Variants in GALNTL6 observed in about 807,000 individuals in gnomAD.
The protein encoded by GALNTL6 is polypeptide N-acetylgalactosaminyltransferase like 6, also known as polypeptide N-acetylgalactosaminyltransferase-like 6.
GALNTL6 carries 46 observed loss-of-function variants against 73.7 expected under a neutral mutation model. That is an observed-to-expected ratio of 0.62 (90% confidence interval 0.49 to 0.80). GALNTL6 has a LOEUF of 0.80. GALNTL6 is among the 30% of genes least tolerant of loss of function. GALNTL6 has a pLI of 0.00. For synonymous variants in GALNTL6, 259 were observed against 263.7 expected (o/e 0.98, Z 0.17); for missense variants, 604 against 755.0 (o/e 0.80, Z 2.34).
chr4:172,110,462 G>T (rs1484909806), intron 2 of GALNTL6, among the ~76,000 whole-genome samples: 1 of 152,118 alleles, frequency 6.6e-6, no homozygotes, highest in African/African-American at 2.4e-5. Flanking sequence ...ACAATATTTA[G>T]TTAGTCAGTA....
intron 2 of GALNTL6, among the ~76,000 whole-genome samples, chr4:171,985,029 T>G (rs539262833): frequency 2.3e-4 from 35 of 152,086 alleles, no homozygotes; most frequent in African/African-American, 8.2e-4. Flanking sequence ...CCAACTTCCT[T>G]GCCTTTAGGT....
At chr4:172,377,883 G>A (rs796834387) in intron 5 of GALNTL6, among the ~76,000 whole-genome samples, 10 of 151,786 alleles carry the variant, frequency 6.6e-5, no homozygotes, top group East Asian at 1.9e-4. Flanking sequence ...GCCCGCGAGC[G>A]CTGCACGCAG....
At chr4:172,140,161 C>T (rs541386908) in intron 2 of GALNTL6, among the ~76,000 whole-genome samples, 24 of 152,106 alleles carry the variant, frequency 1.6e-4, no homozygotes, top group African/African-American at 5.1e-4. Context: ...TCAGAAAATT[C>T]GTTACATTTC....
chr4:172,514,667 T>C (rs423496), intron 5 of GALNTL6, among the ~76,000 whole-genome samples: 152,135 of 152,296 alleles, frequency 1, 75,987 homozygotes, highest in Non-Finnish European at 1. Context: ...GTTTCCTTCT[T>C]CCTGTAGTCT....
intron 2 of GALNTL6, among the ~76,000 whole-genome samples, chr4:171,970,931 T>C (rs898966011): frequency 6.6e-6 from 1 of 152,212 alleles, no homozygotes; most frequent in Non-Finnish European, 1.5e-5. Flanking sequence ...GTTAATTCAA[T>C]TGATAAAAGA....
Position 172,171,141 on chromosome 4 carries a change from C to T in GALNTL6, c.139-58515C>T, listed in dbSNP as rs116627876. ...ACTCATAGCCAAAGCATGCTGTTGCCGTAAAGATCAAAGTCAGTGTTTGGA... is the reference window on the plus strand; with the variant it reads ...ACTCATAGCCAAAGCATGCTGTTGCTGTAAAGATCAAAGTCAGTGTTTGGA... On this transcript the variant is annotated intron_variant, in intron 2 of 12. Transcript: ENST00000506823. Among the ~76,000 whole-genome samples the T allele has an allele frequency of 9.9e-3, 1,507 of 152,196 alleles. 30 individuals carry two copies. The highest frequency in any genetic ancestry group is 0.035 in the African/African-American group (1,439 of 41,526).
chr4:172,274,641 G>T (rs753259197), intron 3 of GALNTL6, among the ~76,000 whole-genome samples: 1 of 152,136 alleles, frequency 6.6e-6, no homozygotes. Context: ...ATATGTGGCC[G>T]AGATGGCCTT....
intron 4 of GALNTL6, among the ~76,000 whole-genome samples, chr4:172,343,952 C>T (rs1284690639): frequency 1.3e-5 from 2 of 152,110 alleles, no homozygotes; most frequent in African/African-American, 2.4e-5. Flanking sequence ...GTCCTTACCT[C>T]TGAGCCATTC....
chr4:172,709,558 G>T (rs145061457), intron 5 of GALNTL6, among the ~76,000 whole-genome samples: 2 of 152,122 alleles, frequency 1.3e-5, no homozygotes, highest in African/African-American at 4.8e-5. Context: ...CAGCAGGTGA[G>T]CTTTGTTTTT....
intron 5 of GALNTL6, among the ~76,000 whole-genome samples, chr4:172,421,672 CT>C (rs1352277930): frequency 6.6e-6 from 1 of 151,858 alleles, no homozygotes; most frequent in Non-Finnish European, 1.5e-5. Context: ...AAGAAATGTT[CT>C]TTCAAAAATT....
chr4:172,732,207 A>G (rs1736189715), intron 5 of GALNTL6, among the ~76,000 whole-genome samples: 1 of 152,150 alleles, frequency 6.6e-6, no homozygotes, highest in African/African-American at 2.4e-5. Context: ...TGCTTCAAGT[A>G]TTTAGGAGCT....
Position 172,838,750 on chromosome 4 carries a change from C to T in GALNTL6, c.923+25027C>T, listed in dbSNP as rs530065527. On this transcript the variant is annotated intron_variant, in intron 7 of 12. Transcript: ENST00000506823. ...CTTCCTCTGATGTATATAAATAACTCATATAGGCACCAAAGACTCCACTCG... is the reference window on the plus strand; with the variant it reads ...CTTCCTCTGATGTATATAAATAACTTATATAGGCACCAAAGACTCCACTCG... Among the ~76,000 whole-genome samples the T allele has an allele frequency of 2.7e-4, 41 of 152,286 alleles. No homozygotes were observed. The East Asian group carries it at 7.3e-3, about 27-fold the overall frequency.
At chr4:172,287,607 G>T (rs1038229544) in intron 3 of GALNTL6, among the ~76,000 whole-genome samples, 1 of 152,146 alleles carries the variant, frequency 6.6e-6, no homozygotes, top group African/African-American at 2.4e-5. Context: ...ACCAGGGAGG[G>T]CTGAGGCAGA....
intron 5 of GALNTL6, among the ~76,000 whole-genome samples, chr4:172,656,669 C>T (rs1409277731): frequency 6.6e-6 from 1 of 152,172 alleles, no homozygotes; most frequent in African/African-American, 2.4e-5. Context: ...ACTAAAGTGA[C>T]CAATTAACTA....
Position 171,854,389 on chromosome 4 carries a change from C to A in GALNTL6, c.138+39671C>A, listed in dbSNP as rs80040888. Among the ~76,000 whole-genome samples, 926 of 152,246 alleles carry A rather than the reference C, an allele frequency of 6.1e-3. 21 individuals are homozygous for A. The highest frequency in any genetic ancestry group is 0.043 in the East Asian group (221 of 5,172). On this transcript the variant is annotated intron_variant, in intron 2 of 12. Coordinates refer to ENST00000506823, the MANE Select transcript of GALNTL6 (RefSeq NM_001034845.3). Reference sequence around the variant, plus strand: ...AAAGTTATGTTTTGAACATGAGAAACGGCTGCACCAGTTTCAGTTGTCAAT... The same window carrying A: ...AAAGTTATGTTTTGAACATGAGAAAAGGCTGCACCAGTTTCAGTTGTCAAT...
chr4:172,972,274 A>T (rs927814604), intron 10 of GALNTL6, among the ~76,000 whole-genome samples: 5 of 152,184 alleles, frequency 3.3e-5, no homozygotes, highest in African/African-American at 7.2e-5. Context: ...ATAGAACCTA[A>T]ACCATGTCAT....
intron 5 of GALNTL6, among the ~76,000 whole-genome samples, chr4:172,740,451 T>C (rs1579420814): frequency 6.6e-6 from 1 of 152,178 alleles, no homozygotes; most frequent in Non-Finnish European, 1.5e-5. Flanking sequence ...TCTGGAATAA[T>C]GAATTTACCT....
chr4:172,095,677 T>C (rs557251396), intron 2 of GALNTL6, among the ~76,000 whole-genome samples: 1 of 151,518 alleles, frequency 6.6e-6, no homozygotes, highest in South Asian at 2.1e-4. Context: ...TAATGGCTTT[T>C]GAAACAAGAA....
At chr4:171,917,416 C>T (rs902760280) in intron 2 of GALNTL6, among the ~76,000 whole-genome samples, 3 of 152,004 alleles carry the variant, frequency 2.0e-5, no homozygotes, top group Non-Finnish European at 4.4e-5. Flanking sequence ...TGAATAGAAC[C>T]GTCATCTTAA....
Sources: gnomAD v4.1 joint callset for allele counts (sites outside exome capture counted in the v4.1 genomes callset) on GRCh38, gnomAD v4.1.1 for gene constraint, MANE v1.5 for transcripts, NCBI Gene and HGNC (gene_info 2026-07-23, HGNC 2026-07-21) for gene names.